NAALADL2: variants seen among roughly 807,000 people sequenced by gnomAD.
The protein encoded by NAALADL2 is N-acetylated alpha-linked acidic dipeptidase like 2.
Under a neutral mutation model 87.2 loss-of-function variants are expected in NAALADL2, and 76 were observed. The observed-to-expected ratio is 0.87, with a 90% CI of 0.72 to 1.05. The LOEUF (loss-of-function observed/expected upper bound fraction) is 1.05. Among genes scored for constraint, NAALADL2 ranks in the 50% least tolerant of loss-of-function variants. NAALADL2 has a pLI of 0.00. For missense variants in NAALADL2, 1,089 were observed against 945.8 expected (o/e 1.15, Z -1.99); for synonymous variants, 354 against 331.0 (o/e 1.07, Z -0.75).
intron 11 of NAALADL2, among the ~76,000 whole-genome samples, chr3:175,671,849 A>G (rs1734053101): frequency 6.6e-6 from 1 of 152,116 alleles, no homozygotes; most frequent in Admixed American, 6.6e-5. Context: ...TACATTTTCC[A>G]GAATGAATCA....
At chr3:174,520,381 G>A (rs1477935366) in intron 1 of NAALADL2, among the ~76,000 whole-genome samples, 1 of 152,142 alleles carries the variant, frequency 6.6e-6, no homozygotes, top group Non-Finnish European at 1.5e-5. Flanking sequence ...CAATGTAACA[G>A]AGTAGAGAAC....
chr3:175,571,216 A>C (rs766749343), intron 9 of NAALADL2, among the ~76,000 whole-genome samples: 3 of 152,292 alleles, frequency 2.0e-5, no homozygotes, highest in Non-Finnish European at 4.4e-5. Flanking sequence ...TGCAAAGAGC[A>C]TACAGATTTA....
intron 4 of NAALADL2, among the ~76,000 whole-genome samples, chr3:175,309,789 C>T (rs1758147091): frequency 6.6e-6 from 1 of 152,068 alleles, no homozygotes; most frequent in Non-Finnish European, 1.5e-5. Context: ...TAGCATTTTA[C>T]GTTTCTGAAA....
chr3:175,305,292 G>A (rs73047225), intron 4 of NAALADL2, among the ~76,000 whole-genome samples: 15,239 of 151,342 alleles, frequency 0.1, 2,564 homozygotes, highest in African/African-American at 0.35. Context: ...GTGTGTATGT[G>A]TTCTCCAAGG....
intron 2 of NAALADL2, among the ~76,000 whole-genome samples, chr3:174,569,381 A>G (rs942175869): frequency 6.6e-6 from 1 of 152,090 alleles, no homozygotes; most frequent in African/African-American, 2.4e-5. Flanking sequence ...TAATTTTCAT[A>G]TGAAAAGCAC....
At chr3:174,701,431 GCTAT>G (rs1729545260) in intron 2 of NAALADL2, among the ~76,000 whole-genome samples, 1 of 151,774 alleles carries the variant, frequency 6.6e-6, no homozygotes, top group South Asian at 2.1e-4. Flanking sequence ...AATTCATTAG[GCTAT>G]CTTTTTGAAT....
rs191882276 is a variant in NAALADL2 at position 175,363,621 on chromosome 3, A to G, written c.1090+39296A>G. On this transcript the variant is annotated intron_variant, in intron 5 of 13. Coordinates refer to ENST00000454872, the MANE Select transcript of NAALADL2 (RefSeq NM_207015.3). ...AACACACGCATACACATAAACATGCATGTACCTTAATATGAAATCATTCTC... is the reference window on the plus strand; with the variant it reads ...AACACACGCATACACATAAACATGCGTGTACCTTAATATGAAATCATTCTC... 2.4e-3 allele frequency among the ~76,000 whole-genome samples: 361 copies of G among 148,054 alleles called. 27 individuals carry two copies. Among genetic ancestry groups the G allele is most frequent in the Admixed American group, 3.9e-3 (57 of 14,464 alleles).
chr3:174,473,902 G>C (rs1717058006), intron 1 of NAALADL2, among the ~76,000 whole-genome samples: 1 of 152,108 alleles, frequency 6.6e-6, no homozygotes, highest in Non-Finnish European at 1.5e-5. Flanking sequence ...TCACAGTTCT[G>C]TGTGGCTGGG....
intron 4 of NAALADL2, among the ~76,000 whole-genome samples, chr3:175,288,271 T>G (rs1449380376): frequency 6.6e-6 from 1 of 152,124 alleles, no homozygotes; most frequent in Non-Finnish European, 1.5e-5. Flanking sequence ...GATGGTAACA[T>G]TTTTGTTCTA....
chr3:174,711,311 C>T (rs970536305), intron 2 of NAALADL2, among the ~76,000 whole-genome samples: 1 of 152,174 alleles, frequency 6.6e-6, no homozygotes, highest in Non-Finnish European at 1.5e-5. Flanking sequence ...TGAGTGAGCT[C>T]ATATCAAATT....
At chr3:175,034,643 G>A (rs921213562) in intron 1 of NAALADL2, among the ~76,000 whole-genome samples, 6 of 151,996 alleles carry the variant, frequency 3.9e-5, no homozygotes, top group African/African-American at 1.4e-4. Context: ...AAGGCATACT[G>A]GTGACTTAAG....
chr3:174,804,548 T>A (rs1719233156), intron 3 of NAALADL2, among the ~76,000 whole-genome samples: 1 of 152,152 alleles, frequency 6.6e-6, no homozygotes, highest in African/African-American at 2.4e-5. Context: ...TTGTGCCAGT[T>A]TTCAAAGGGA....
chr3:174,712,220 G>C (rs1730710111), intron 2 of NAALADL2, among the ~76,000 whole-genome samples: 1 of 152,022 alleles, frequency 6.6e-6, no homozygotes. Flanking sequence ...TGAGAACCTA[G>C]ATTTGTCTGA....
At chr3:175,793,558 G>C (rs1753084161) in intron 13 of NAALADL2, among the ~76,000 whole-genome samples, 1 of 151,584 alleles carries the variant, frequency 6.6e-6, no homozygotes, top group Non-Finnish European at 1.5e-5. Context: ...CTCGTGATCT[G>C]CCGACCTCGG....
At chr3:174,654,461 T>C (rs1724703904) in intron 2 of NAALADL2, among the ~76,000 whole-genome samples, 1 of 152,140 alleles carries the variant, frequency 6.6e-6, no homozygotes, top group Non-Finnish European at 1.5e-5. Flanking sequence ...GAGTTTTCTT[T>C]TTCTCAGGTG....
chr3:174,602,867 G>A (rs1431228057), intron 2 of NAALADL2, among the ~76,000 whole-genome samples: 1 of 151,946 alleles, frequency 6.6e-6, no homozygotes, highest in African/African-American at 2.4e-5. Flanking sequence ...TGATTTTTCT[G>A]TATCAATTGA....
chr3:175,458,065 T>C (rs1722585910), intron 6 of NAALADL2, among the ~76,000 whole-genome samples: 1 of 152,118 alleles, frequency 6.6e-6, no homozygotes, highest in African/African-American at 2.4e-5. Flanking sequence ...TGACATGTAC[T>C]CATTATTCTT....
intron 11 of NAALADL2, among the ~76,000 whole-genome samples, chr3:175,644,279 C>T (rs569094731): frequency 6.6e-5 from 10 of 151,984 alleles, no homozygotes; most frequent in South Asian, 2.1e-4. Flanking sequence ...ATGAATAGTT[C>T]GTCATTTCCA....
chr3:175,717,457 C>T (rs953507675), intron 11 of NAALADL2, among the ~76,000 whole-genome samples: 3 of 151,732 alleles, frequency 2.0e-5, no homozygotes, highest in East Asian at 1.9e-4. Flanking sequence ...TTTGGGAGGC[C>T]GAGGAAGGAG....
Sources: gnomAD v4.1 joint callset for allele counts (sites outside exome capture counted in the v4.1 genomes callset) on GRCh38, gnomAD v4.1.1 for gene constraint, MANE v1.5 for transcripts, NCBI Gene and HGNC (gene_info 2026-07-23, HGNC 2026-07-21) for gene names.